Variants in CHRNB1 observed in about 807,000 individuals in gnomAD.
The protein encoded by CHRNB1 is cholinergic receptor nicotinic beta 1 subunit.
CHRNB1 carries 47 observed loss-of-function variants against 53.8 expected under a neutral mutation model. That is an observed-to-expected ratio of 0.87 (90% confidence interval 0.69 to 1.11). The LOEUF (loss-of-function observed/expected upper bound fraction) is 1.11, where lower values mean the gene tolerates loss of function less well. CHRNB1 is among the 50% of genes most tolerant of loss of function. CHRNB1 has a pLI of 0.00. For missense variants in CHRNB1, 605 were observed against 654.9 expected (o/e 0.92, Z 0.83); for synonymous variants, 259 against 263.5 (o/e 0.98, Z 0.16).
At position 7,456,859 on chromosome 17, in the gene CHRNB1, TTGGAC is replaced by T; in HGVS notation, c.*139_*143del. ...TCTTATTTCGTTTCTGGGGACTGCA[TTGGAC>T]TGAGGGCTGGGTAGGCAGGTGTCTT... On this transcript the variant is annotated 3_prime_UTR_variant, in exon 11 of 11. Transcript: ENST00000306071. 8.5e-7 allele frequency: 1 copy of T among 1,177,056 alleles called. No homozygotes were observed. The highest frequency in any genetic ancestry group is 1.2e-6 in the Non-Finnish European group (1 of 817,944). 72.9% of individuals were successfully genotyped at this position (1,177,056 alleles called of 1,614,324 possible). A position where few individuals can be genotyped will look rare whatever the true frequency, so the allele number is the denominator to read the frequency against.
Position 7,448,625 on chromosome 17 carries a change from G to A in CHRNB1, c.657G>A (p.Gln219=). The change falls in exon 7 of 11, where the codon CAG becomes CAA. Residue 219 remains glutamine, a synonymous_variant. Transcript: ENST00000306071. ...TCCACAAGCCCTCTCGGCTAATCCAGCCTCCAGGCGATCCTAGGGGAGGGA... is the reference window on the plus strand; with the variant it reads ...TCCACAAGCCCTCTCGGCTAATCCAACCTCCAGGCGATCCTAGGGGAGGGA... ...EIIHKPSRLI[Q]PPGDPRGGRE... is the part of the protein sequence containing the mutation. 1 of 1,614,118 alleles carries A rather than the reference G, an allele frequency of 6.2e-7. No individual in the cohort carries two copies. Among genetic ancestry groups the A allele is most frequent in the Non-Finnish European group, 8.5e-7 (1 of 1,180,018 alleles).
chr17:7,455,566 C>A, intron 9 of CHRNB1, 110 bp downstream of exon 9: 1 of 1,403,054 alleles, frequency 7.1e-7, no homozygotes, highest in Non-Finnish European at 1.0e-6. Flanking sequence ...GGTTGAGCAT[C>A]ATGGGAGTTG....
chr17:7,449,782 C>T (rs904258983), intron 7 of CHRNB1, among the ~76,000 whole-genome samples: 7 of 151,792 alleles, frequency 4.6e-5, no homozygotes, highest in African/African-American at 1.7e-4. Context: ...CGGTGGCTCA[C>T]GCCTGTAATC....
intron 10 of CHRNB1, 72 bp downstream of exon 10, chr17:7,456,013 A>ACTCGCTT (rs1178205671): frequency 3.1e-5 from 39 of 1,268,806 alleles, no homozygotes; most frequent in Non-Finnish European, 4.2e-5. Context: ...CCGCACCAGC[A>ACTCGCTT]CTCGCTTTCG....
chr17:7,455,276 C>T lies in CHRNB1; in HGVS notation c.1045-8C>T. ...AGCCCCCACCAATACGCCTCTTCTACTCTGCAGATCTTCATTCACAAACTT... is the reference window on the plus strand; with the variant it reads ...AGCCCCCACCAATACGCCTCTTCTATTCTGCAGATCTTCATTCACAAACTT... On this transcript the variant is annotated splice_polypyrimidine_tract_variant and splice_region_variant and intron_variant, in intron 8 of 10. Transcript: ENST00000306071. The T allele has an allele frequency of 6.2e-7, 1 of 1,614,028 alleles. No individual in the cohort carries two copies. The highest frequency in any genetic ancestry group is 1.1e-5 in the South Asian group (1 of 91,076).
Position 7,456,718 on chromosome 17 carries a change from C to A in CHRNB1, c.1501C>A (p.Pro501Thr). 6.2e-7 allele frequency: 1 copy of A among 1,614,190 alleles called. No individual in the cohort carries two copies. Among genetic ancestry groups the A allele is most frequent in the Non-Finnish European group, 8.5e-7 (1 of 1,180,040 alleles). ...TYHLPPPDPF[P>T] The stretch of plus-strand genomic sequence containing the variant: ...CCACTTGCCCCCTCCAGACCCCTTT[C>A]CTTGAAGACTGGAGGGTTGAGACCC... The change falls in exon 11 of 11, where the codon CCT (proline) becomes ACT (threonine). Residue 501 changes from proline (P) to threonine (T), a missense_variant. Pro to Thr is a conservative substitution (Grantham distance 38, BLOSUM62 -1). Transcript: ENST00000306071.
Position 7,445,816 on chromosome 17 carries a change from C to T in CHRNB1, c.199-253C>T, listed in dbSNP as rs947947433. On this transcript the variant is annotated intron_variant, in intron 2 of 10. Coordinates refer to ENST00000306071, the MANE Select transcript of CHRNB1 (RefSeq NM_000747.3). This position sits in a 1 kb window ranked among gnomAD's most constrained non-coding sequence, Gnocchi z 5.7. ...TATGAGCTGAAGGCAGGGCCGGGGA[C>T]AGAGCTAGGCGGAGGGCTAGGCAGG... 83 of 618,300 alleles carry T rather than the reference C, an allele frequency of 1.3e-4. No individual in the cohort carries two copies. Among genetic ancestry groups the T allele is most frequent in the Non-Finnish European group, 2.1e-4 (73 of 353,812 alleles). 38.3% of individuals were successfully genotyped at this position (618,300 alleles called of 1,614,324 possible).
chr17:7,457,440 TTAA>T lies in CHRNB1; in HGVS notation c.*722_*724del, dbSNP rs1250606114. 1 of 152,160 alleles carries T rather than the reference TTAA, an allele frequency of 6.6e-6. No homozygotes were observed. The highest frequency in any genetic ancestry group is 1.5e-5 in the Non-Finnish European group (1 of 68,122). The allele number at this position is 152,160 out of a possible 1,614,324, so 9.4% of individuals were successfully genotyped here. A position where few individuals can be genotyped will look rare whatever the true frequency, so the allele number is the denominator to read the frequency against. The stretch of plus-strand genomic sequence containing the variant: ...AAATTTCCGGAAGTAAATACAGCAA[TTAA>T]TAATGTTTATAAGCTGGGCATGGTC... On this transcript the variant is annotated 3_prime_UTR_variant, in exon 11 of 11. Coordinates refer to ENST00000306071, the MANE Select transcript of CHRNB1 (RefSeq NM_000747.3).
In CHRNB1 at chr17:7,446,127, A is replaced by C; in HGVS notation, c.243+14A>C. 6.2e-7 allele frequency: 1 copy of C among 1,611,588 alleles called. No individual in the cohort carries two copies. Among genetic ancestry groups the C allele is most frequent in the Non-Finnish European group, 8.5e-7 (1 of 1,177,606 alleles). On this transcript the variant is annotated intron_variant, in intron 3 of 10. Transcript: ENST00000306071. Reference sequence around the variant, plus strand: ...TACTTAGACCTGGTATGGAGACCCCACGGGGTGGGAAAGGGCTTCCCTCTG... The same window carrying C: ...TACTTAGACCTGGTATGGAGACCCCCCGGGGTGGGAAAGGGCTTCCCTCTG...
intron 3 of CHRNB1, 106 bp downstream of exon 3, chr17:7,446,219 C>G: frequency 3.1e-6 from 3 of 974,512 alleles, no homozygotes; most frequent in Non-Finnish European, 3.3e-6. Flanking sequence ...TTAGATAACA[C>G]GTTTATAACT....
intron 3 of CHRNB1, 76 bp from the exon 4 acceptor site, chr17:7,446,757 C>T (rs1426700577): frequency 4.2e-6 from 5 of 1,200,710 alleles, no homozygotes; most frequent in Non-Finnish European, 6.1e-6. Context: ...GCACTCCCTT[C>T]CTGGGCTTCC....
intron 7 of CHRNB1, among the ~76,000 whole-genome samples, chr17:7,449,656 C>T (rs1021120648): frequency 2.0e-5 from 3 of 151,842 alleles, no homozygotes; most frequent in Non-Finnish European, 2.9e-5. Context: ...GCGATCTGTT[C>T]GCCTCAGCCT....
At chr17:7,452,592 T>A (rs1908929510) in intron 7 of CHRNB1, among the ~76,000 whole-genome samples, 1 of 152,160 alleles carries the variant, frequency 6.6e-6, no homozygotes, top group South Asian at 2.1e-4. Flanking sequence ...TACTCACGAG[T>A]GTGCCATGTC....
chr17:7,447,374 A>G (rs1908684626), intron 5 of CHRNB1, 129 bp from the exon 6 acceptor site: 1 of 1,164,280 alleles, frequency 8.6e-7, no homozygotes, highest in South Asian at 1.3e-5. Context: ...TCCCCCATTA[A>G]TGGCTTCCCT....
chr17:7,446,944 T>C lies in CHRNB1; in HGVS notation c.353+2T>C, dbSNP rs2150838273. 6 of 1,612,842 alleles carry C rather than the reference T, an allele frequency of 3.7e-6. No homozygotes were observed. The highest frequency in any genetic ancestry group is 5.1e-6 in the Non-Finnish European group (6 of 1,179,478). On this transcript the variant is annotated splice_donor_variant, in intron 4 of 10. Transcript: ENST00000306071. LOFTEE classifies it high-confidence loss of function. ...CCCTGACGTGGTGCTACTGAACAAG[T>C]AGGAGAACTTCCAAAGCCCGGGAGG...
At chr17:7,456,248 T>C (rs2069949925) in intron 10 of CHRNB1, among the ~76,000 whole-genome samples, 1 of 151,922 alleles carries the variant, frequency 6.6e-6, no homozygotes, top group Non-Finnish European at 1.5e-5. Flanking sequence ...GAGACGTGGC[T>C]TCACCATGTT....
intron 7 of CHRNB1, among the ~76,000 whole-genome samples, chr17:7,452,057 C>CTTT (rs34297883): frequency 7.2e-6 from 1 of 138,834 alleles, no homozygotes; most frequent in African/African-American, 2.7e-5. Flanking sequence ...TTTCCTTTTT[C>CTTT]TTTTTTTTTT....
chr17:7,454,372 C>A lies in CHRNB1; in HGVS notation c.896C>A (p.Pro299His). 1 of 1,614,168 alleles carries A rather than the reference C, an allele frequency of 6.2e-7. No individual in the cohort carries two copies. The highest frequency in any genetic ancestry group is 8.5e-7 in the Non-Finnish European group (1 of 1,180,028). The change falls in exon 8 of 11, where the codon CCT becomes CAT. Residue 299 changes from proline (P) to histidine (H), a missense_variant. Physicochemically the swap from Pro to His is moderately conservative, Grantham distance 77 (BLOSUM62 -2). Transcript: ENST00000306071. ...VFLLLLADKV[P>H]ETSLSVPIII... The stretch of plus-strand genomic sequence containing the variant: ...CTGCTGCTGCTGGCTGACAAAGTAC[C>A]TGAGACCTCACTATCAGTACCCATT...
At chr17:7,449,787 G>A (rs1908814729) in intron 7 of CHRNB1, among the ~76,000 whole-genome samples, 1 of 151,762 alleles carries the variant, frequency 6.6e-6, no homozygotes, top group Admixed American at 6.6e-5. Flanking sequence ...GCTCACGCCT[G>A]TAATCCCAGC....
Sources: gnomAD v4.1 joint callset for allele counts (sites outside exome capture counted in the v4.1 genomes callset) on GRCh38, gnomAD v4.1.1 for gene constraint, Gnocchi (gnomAD v3.1) non-coding constraint, MANE v1.5 for transcripts, NCBI Gene and HGNC (gene_info 2026-07-23, HGNC 2026-07-21) for gene names.